The following KIAA1328 variants were observed in gnomAD, a reference collection of about 807,000 sequenced individuals.
KIAA1328 encodes the protein KIAA1328, also known as protein hinderin.
Under a neutral mutation model 68.1 loss-of-function variants are expected in KIAA1328, and 52 were observed. The observed-to-expected ratio is 0.76, with a 90% CI of 0.61 to 0.96. The LOEUF is 0.96. Ranked by LOEUF, KIAA1328 falls within the 40% of genes least tolerant of loss-of-function variation. The pLI, the probability that KIAA1328 is intolerant of heterozygous loss-of-function variation, is 0.00. For synonymous variants in KIAA1328, 232 were observed against 239.4 expected (o/e 0.97, Z 0.28); for missense variants, 641 against 677.6 (o/e 0.95, Z 0.60).
At chr18:36,835,978 TA>T (rs1429769273) in intron 3 of KIAA1328, among the ~76,000 whole-genome samples, 1 of 152,184 alleles carries the variant, frequency 6.6e-6, no homozygotes, top group Admixed American at 6.5e-5. Context: ...GTTTTATAAA[TA>T]AAGGTTTTTT....
At chr18:37,086,813 T>C (rs1194431509) in intron 7 of KIAA1328, among the ~76,000 whole-genome samples, 1 of 152,232 alleles carries the variant, frequency 6.6e-6, no homozygotes. Context: ...TTATGTGACC[T>C]ATTCCCCATC....
chr18:36,989,494 C>T (rs1406810073), intron 6 of KIAA1328, among the ~76,000 whole-genome samples: 1 of 152,132 alleles, frequency 6.6e-6, no homozygotes, highest in African/African-American at 2.4e-5. Flanking sequence ...AGCTCCGATT[C>T]TAATTTTTTA....
intron 6 of KIAA1328, among the ~76,000 whole-genome samples, chr18:36,976,529 C>T (rs570020158): frequency 3.3e-5 from 5 of 151,812 alleles, no homozygotes; most frequent in African/African-American, 1.2e-4. Context: ...TTTTTAGTGA[C>T]TTAGCCTGAT....
intron 6 of KIAA1328, among the ~76,000 whole-genome samples, chr18:37,062,224 TAGA>T (rs1409350650): frequency 6.6e-6 from 1 of 152,156 alleles, no homozygotes; most frequent in East Asian, 1.9e-4. Flanking sequence ...TCATTCACTT[TAGA>T]AGAAGTTTAG....
At chr18:37,202,466 G>C (rs1201646282) in intron 9 of KIAA1328, among the ~76,000 whole-genome samples, 2 of 152,166 alleles carry the variant, frequency 1.3e-5, no homozygotes, top group African/African-American at 4.8e-5. Flanking sequence ...AAGAGTACTT[G>C]TCAGTGTCTT....
chr18:37,193,164 A>C (rs1364283632), intron 9 of KIAA1328, among the ~76,000 whole-genome samples: 1 of 152,160 alleles, frequency 6.6e-6, no homozygotes, highest in East Asian at 1.9e-4. Context: ...TTGGAAAGTT[A>C]TTTATATTAA....
intron 4 of KIAA1328, among the ~76,000 whole-genome samples, chr18:36,882,001 A>G (rs73435560): frequency 0.082 from 12,420 of 152,176 alleles, 1,697 homozygotes; most frequent in African/African-American, 0.28. Context: ...TCTGTGTTTA[A>G]CTTTTTGAAG....
intron 7 of KIAA1328, among the ~76,000 whole-genome samples, chr18:37,115,078 C>G (rs1817589554): frequency 6.6e-6 from 1 of 152,166 alleles, no homozygotes; most frequent in African/African-American, 2.4e-5. Context: ...CGAATTCTAC[C>G]AGAGGTACAA....
chr18:36,907,951 T>A (rs1490616095), intron 5 of KIAA1328, among the ~76,000 whole-genome samples: 1 of 152,188 alleles, frequency 6.6e-6, no homozygotes, highest in East Asian at 1.9e-4. Flanking sequence ...TTGTATGGAT[T>A]TAATCCATAT....
At chr18:36,949,406 T>C (rs1283129338) in intron 5 of KIAA1328, among the ~76,000 whole-genome samples, 1 of 152,198 alleles carries the variant, frequency 6.6e-6, no homozygotes, top group Non-Finnish European at 1.5e-5. Flanking sequence ...CTGGTCCATC[T>C]GGCACATTGA....
At chr18:37,118,570 C>T (rs1386658656) in intron 7 of KIAA1328, among the ~76,000 whole-genome samples, 1 of 152,172 alleles carries the variant, frequency 6.6e-6, no homozygotes, top group African/African-American at 2.4e-5. Context: ...TTATCATGAT[C>T]AGTCACCCTA....
At chr18:36,865,252 CTTTGATT>C (rs997442579) in intron 4 of KIAA1328, among the ~76,000 whole-genome samples, 5 of 151,860 alleles carry the variant, frequency 3.3e-5, no homozygotes, top group Non-Finnish European at 7.4e-5. Flanking sequence ...TTTCATTCTT[CTTTGATT>C]TTATTTTCAT....
rs546174481 is a variant in KIAA1328 at position 37,067,894 on chromosome 18, G to T, written c.1232+349G>T. ...GTTCTTTTAGCAATGTCTGTAGTTTGGAGAGCACAGTGTAAAATTGTTGTA... is the reference window on the plus strand; with the variant it reads ...GTTCTTTTAGCAATGTCTGTAGTTTTGAGAGCACAGTGTAAAATTGTTGTA... On this transcript the variant is annotated intron_variant, in intron 7 of 9. Coordinates refer to ENST00000280020, the MANE Select transcript of KIAA1328 (RefSeq NM_020776.3). Among the ~76,000 whole-genome samples the T allele has an allele frequency of 4.6e-5, 7 of 152,202 alleles. No homozygotes were observed. In the South Asian group the frequency reaches 1.0e-3, roughly 23 times the overall value.
At chr18:37,216,685 T>C (rs2060441758) in intron 9 of KIAA1328, among the ~76,000 whole-genome samples, 1 of 152,134 alleles carries the variant, frequency 6.6e-6, no homozygotes, top group African/African-American at 2.4e-5. Context: ...TGGATATCCT[T>C]GTTAACCTGC....
chr18:37,126,999 C>T (rs1474578019), intron 7 of KIAA1328, among the ~76,000 whole-genome samples: 1 of 152,096 alleles, frequency 6.6e-6, no homozygotes, highest in Admixed American at 6.5e-5. Flanking sequence ...AAGACTTCAC[C>T]GTACCCTACT....
At chr18:37,088,008 A>G (rs371478320) in intron 7 of KIAA1328, among the ~76,000 whole-genome samples, 45 of 152,310 alleles carry the variant, frequency 3.0e-4, no homozygotes, top group African/African-American at 9.9e-4. Context: ...TTTCACTGCT[A>G]TAGAGACTTT....
At position 36,959,332 on chromosome 18, in the gene KIAA1328, G is replaced by A. The variant is rs2051557545; in HGVS notation, c.473G>A (p.Cys158Tyr). The A allele has an allele frequency of 4.4e-6, 7 of 1,601,652 alleles. No individual in the cohort carries two copies. Among genetic ancestry groups the A allele is most frequent in the Non-Finnish European group, 4.3e-6 (5 of 1,175,060 alleles). The change falls in exon 6 of 10, where the codon TGC becomes TAC. Residue 158 changes from cysteine (C) to tyrosine (Y), a missense_variant. Physicochemically the swap from Cys to Tyr is radical, Grantham distance 194 (BLOSUM62 -2). Transcript: ENST00000280020. ...REALQLQYRE[C>Y]QELLSLYQKY... ...CCTCTTCAGCTACAGTATAGAGAAT[G>A]CCAAGAACTTCTAAGCCTGTATCAG...
At chr18:37,045,573 T>C (rs2055435225) in intron 6 of KIAA1328, among the ~76,000 whole-genome samples, 3 of 152,162 alleles carry the variant, frequency 2.0e-5, no homozygotes, top group Admixed American at 2.0e-4. Context: ...GTACTTGAAG[T>C]TATATCAGTC....
intron 4 of KIAA1328, among the ~76,000 whole-genome samples, chr18:36,851,979 G>A (rs777941300): frequency 6.6e-6 from 1 of 151,766 alleles, no homozygotes; most frequent in Non-Finnish European, 1.5e-5. Context: ...GGTATGTTGT[G>A]TTTTTGTTTT....
Sources: gnomAD v4.1 joint callset for allele counts (sites outside exome capture counted in the v4.1 genomes callset) on GRCh38, gnomAD v4.1.1 for gene constraint, MANE v1.5 for transcripts, NCBI Gene and HGNC (gene_info 2026-07-23, HGNC 2026-07-21) for gene names.